FXYD2: variants seen among roughly 807,000 people sequenced by gnomAD.
FXYD2 encodes FXYD domain containing ion transport regulator 2.
FXYD2 carries 8 observed loss-of-function variants against 11.8 expected under a neutral mutation model. That is an observed-to-expected ratio of 0.68 (90% CI 0.40 to 1.22). The LOEUF is 1.22. FXYD2 is among the 50% of genes most tolerant of loss of function. The pLI is 0.01. For missense variants in FXYD2, 92 were observed against 91.8 expected, an observed-to-expected ratio of 1.00 and a Z score of -0.01; for synonymous variants, 42 against 33.3, an observed-to-expected ratio of 1.26 and a Z score of -0.90.
intron 1 of FXYD2, among the ~76,000 whole-genome samples, chr11:117,823,146 TCAGA>T (rs2055951647): frequency 6.6e-6 from 1 of 152,190 alleles, no homozygotes; most frequent in African/African-American, 2.4e-5. Context: ...TTAAAGTTTA[TCAGA>T]CAGAAGGAGG....
At chr11:117,827,483 A>T (rs2056069887), upstream of FXYD2, among the ~76,000 whole-genome samples, 1 of 152,228 alleles carries the variant, frequency 6.6e-6, no homozygotes, top group Admixed American at 6.5e-5. Flanking sequence ...TCCTGACCTC[A>T]GATAATCCGC....
chr11:117,827,614 T>C (rs1173952353), upstream of FXYD2, among the ~76,000 whole-genome samples: 2 of 152,198 alleles, frequency 1.3e-5, no homozygotes, highest in Non-Finnish European at 2.9e-5. Flanking sequence ...TATCACCCCA[T>C]TTCATAGAGG....
Position 117,824,368 on chromosome 11 carries a change from C to G in FXYD2, c.25+286G>C. ...AGACGGTCTAGCAAGATGCATTGAA[C>G]TCAGGGCGGGTGTGTGCCAGGAGGC... On this transcript the variant is annotated intron_variant, in intron 1 of 5. Coordinates refer to ENST00000292079, the MANE Select transcript of FXYD2 (RefSeq NM_001680.5). This position sits in a 1 kb window ranked among gnomAD's most constrained non-coding sequence, Gnocchi z 4.0. The G allele has an allele frequency of 1.8e-6, 1 of 563,818 alleles. No homozygotes were observed. The highest frequency in any genetic ancestry group is 2.0e-5 in the South Asian group (1 of 49,914). The allele number at this position is 563,818 out of a possible 1,614,324, so 34.9% of individuals were successfully genotyped here.
rs1175824627 is a variant in FXYD2 at position 117,824,547 on chromosome 11, G to A, written c.25+107C>T. 5 of 903,814 alleles carry A rather than the reference G, an allele frequency of 5.5e-6. No homozygotes were observed. Among genetic ancestry groups the A allele is most frequent in the Non-Finnish European group, 9.1e-6 (5 of 547,086 alleles). The allele number at this position is 903,814 out of a possible 1,614,324, so 56.0% of individuals were successfully genotyped here. A position where few individuals can be genotyped will look rare whatever the true frequency, so the allele number is the denominator to read the frequency against. On this transcript the variant is annotated intron_variant, in intron 1 of 5. Transcript: ENST00000292079. The surrounding 1 kb of genome is among the most constrained non-coding windows in gnomAD (Gnocchi z 4.0). ...GAGGGGCTGGGTACTCTGGAAGGCTGAGGTGGCAGGAGAGGGAAGAGTAGG... is the reference window on the plus strand; with the variant it reads ...GAGGGGCTGGGTACTCTGGAAGGCTAAGGTGGCAGGAGAGGGAAGAGTAGG...
At chr11:117,826,535 T>C (rs2056039018), upstream of FXYD2, among the ~76,000 whole-genome samples, 2 of 152,112 alleles carry the variant, frequency 1.3e-5, no homozygotes, top group African/African-American at 4.8e-5. Context: ...TGAAGGGACT[T>C]GCCTGAAACA....
intron 1 of FXYD2, among the ~76,000 whole-genome samples, chr11:117,823,302 C>G (rs1341686233): frequency 6.6e-6 from 1 of 152,184 alleles, no homozygotes; most frequent in Non-Finnish European, 1.5e-5. Flanking sequence ...CGGGCAAAAA[C>G]TAACAAACCC....
At position 117,822,378 on chromosome 11, in the gene FXYD2, C is replaced by G. The variant is rs1294075168; in HGVS notation, c.139+28G>C. The G allele has an allele frequency of 6.4e-7, 1 of 1,551,856 alleles. No homozygotes were observed. The highest frequency in any genetic ancestry group is 8.7e-7 in the Non-Finnish European group (1 of 1,147,354). ...GAGAAGAGAGGTGCCCTGGTCAGCA[C>G]CCCTTCCCTGGAGGCCACCCCACTT... On this transcript the variant is annotated intron_variant, in intron 3 of 5. Transcript: ENST00000292079. The surrounding 1 kb of genome is among the most constrained non-coding windows in gnomAD (Gnocchi z 4.7).
rs371615390 is a variant in FXYD2 at position 117,820,688 on chromosome 11, T to C, written c.185A>G (p.Asn62Ser). The C allele has an allele frequency of 3.7e-6, 6 of 1,613,906 alleles. No individual in the cohort carries two copies. Among genetic ancestry groups the C allele is most frequent in the Middle Eastern group, 1.6e-4 (1 of 6,084 alleles). The change falls in exon 5 of 6, where the codon AAT (asparagine) becomes AGT (serine). Residue 62 changes from asparagine (N) to serine (S), a missense_variant. Asn to Ser is a conservative substitution (Grantham distance 46). Transcript: ENST00000292079. ...TACCTGCTGTTACGGCTCATCTTCA[T>C]TGATTTGCCTGGTGGGGGAAGGAAA... ...CGGNKKRRQI[N>S]EDEP
At chr11:117,827,934 C>T (rs1346514474), upstream of FXYD2, 27 of 1,144,288 alleles carry the variant, frequency 2.4e-5, no homozygotes, top group Non-Finnish European at 2.7e-5. Flanking sequence ...TTGAAAGGGA[C>T]GGGGCTGGCA....
chr11:117,820,584 A>G, intron 5 of FXYD2, 82 bp downstream of exon 5: 1 of 1,565,736 alleles, frequency 6.4e-7, no homozygotes, highest in Non-Finnish European at 8.8e-7. Flanking sequence ...TTATTTACCG[A>G]GTCCAGGAGC....
rs1385676661 is a variant in FXYD2 at position 117,822,481 on chromosome 11, CT to C, written c.65-2del. On this transcript the variant is annotated splice_acceptor_variant, in intron 2 of 5. Coordinates refer to ENST00000292079, the MANE Select transcript of FXYD2 (RefSeq NM_001680.5). LOFTEE classifies it high-confidence loss of function. This position sits in a 1 kb window ranked among gnomAD's most constrained non-coding sequence, Gnocchi z 4.7. ...CCCCCATTGCGAACGGTCTCATAGT[CT>C]CCGGAAAGAGAGGGCAAGAGGAGCG... 1.3e-6 allele frequency: 2 copies of C among 1,560,374 alleles called. No individual in the cohort carries two copies. The highest frequency in any genetic ancestry group is 1.7e-6 in the Non-Finnish European group (2 of 1,151,358).
In FXYD2 at chr11:117,824,642, C is replaced by A. The variant is rs1410412351; in HGVS notation, c.25+12G>T. ...ATTGCACACGCCCGGGCACGCACACCAGCACACTCACCACCGTCCATCGAC... is the reference window on the plus strand; with the variant it reads ...ATTGCACACGCCCGGGCACGCACACAAGCACACTCACCACCGTCCATCGAC... On this transcript the variant is annotated intron_variant, in intron 1 of 5. Transcript: ENST00000292079. This position sits in a 1 kb window ranked among gnomAD's most constrained non-coding sequence, Gnocchi z 4.0. 6.2e-7 allele frequency: 1 copy of A among 1,612,380 alleles called. No homozygotes were observed. Among genetic ancestry groups the A allele is most frequent in the Non-Finnish European group, 8.5e-7 (1 of 1,178,530 alleles).
intron 1 of FXYD2, among the ~76,000 whole-genome samples, chr11:117,823,400 T>C (rs578164266): frequency 4.6e-5 from 7 of 152,324 alleles, no homozygotes; most frequent in African/African-American, 1.2e-4. Context: ...AGAGAAGAAA[T>C]TCCCCCACAG....
At chr11:117,825,249 C>A (rs1274051419), upstream of FXYD2, among the ~76,000 whole-genome samples, 1 of 152,200 alleles carries the variant, frequency 6.6e-6, no homozygotes, top group Non-Finnish European at 1.5e-5. Context: ...AGCTGACCAG[C>A]AGTAGATCCT....
chr11:117,823,007 C>T (rs1219999385), intron 1 of FXYD2, among the ~76,000 whole-genome samples: 2 of 152,200 alleles, frequency 1.3e-5, no homozygotes, highest in Non-Finnish European at 2.9e-5. Context: ...TCCTTGATTC[C>T]TACCATGGTA....
chr11:117,822,393 C>A lies in FXYD2; in HGVS notation c.139+13G>T, dbSNP rs1244856713. ...CTGGTCAGCACCCCTTCCCTGGAGG[C>A]CACCCCACTTACTGAGGAGGATGAG... On this transcript the variant is annotated intron_variant, in intron 3 of 5. Transcript: ENST00000292079. The surrounding 1 kb of genome is among the most constrained non-coding windows in gnomAD (Gnocchi z 4.7). 6.4e-7 allele frequency: 1 copy of A among 1,554,280 alleles called. No individual in the cohort carries two copies. Among genetic ancestry groups the A allele is most frequent in the South Asian group, 1.2e-5 (1 of 84,196 alleles).
Position 117,822,149 on chromosome 11 carries a change from T to G in FXYD2, c.139+257A>C. ...CTGTCTGGCCCTCCGGTTACCCAGTTACCCCGTGGGTTTGCTCTCACTTCT... is the reference window on the plus strand; with the variant it reads ...CTGTCTGGCCCTCCGGTTACCCAGTGACCCCGTGGGTTTGCTCTCACTTCT... On this transcript the variant is annotated intron_variant, in intron 3 of 5. Transcript: ENST00000292079. This position sits in a 1 kb window ranked among gnomAD's most constrained non-coding sequence, Gnocchi z 4.7. 1 of 1,403,062 alleles carries G rather than the reference T, an allele frequency of 7.1e-7. No homozygotes were observed. Among genetic ancestry groups the G allele is most frequent in the Non-Finnish European group, 9.3e-7 (1 of 1,077,478 alleles). 86.9% of individuals were successfully genotyped at this position (1,403,062 alleles called of 1,614,324 possible).
Position 117,822,354 on chromosome 11 carries a change from A to G in FXYD2, c.139+52T>C. ...AAAGCCAGCCTGCTCAGCGGCCTTG[A>G]GAAGAGAGGTGCCCTGGTCAGCACC... is the stretch of plus-strand genomic sequence containing the variant. On this transcript the variant is annotated intron_variant, in intron 3 of 5. Coordinates refer to ENST00000292079, the MANE Select transcript of FXYD2 (RefSeq NM_001680.5). This position sits in a 1 kb window ranked among gnomAD's most constrained non-coding sequence, Gnocchi z 4.7. 1.3e-6 allele frequency: 2 copies of G among 1,550,466 alleles called. No homozygotes were observed. The highest frequency in any genetic ancestry group is 1.7e-6 in the Non-Finnish European group (2 of 1,146,974).
intron 3 of FXYD2, 99 bp from the exon 4 acceptor site, chr11:117,820,994 C>CA: frequency 6.4e-7 from 1 of 1,550,444 alleles, no homozygotes; most frequent in South Asian, 1.1e-5. Context: ...TCCCTCCTGC[C>CA]AGTATCATCG....
Sources: gnomAD v4.1 joint callset for allele counts (sites outside exome capture counted in the v4.1 genomes callset) on GRCh38, gnomAD v4.1.1 for gene constraint, Gnocchi (gnomAD v3.1) non-coding constraint, MANE v1.5 for transcripts, NCBI Gene and HGNC (gene_info 2026-07-23, HGNC 2026-07-21) for gene names.